Variants in GRIN2A observed in about 807,000 individuals in gnomAD.
GRIN2A encodes glutamate receptor ionotropic, NMDA 2A.
Under a neutral mutation model 113.4 loss-of-function variants are expected in GRIN2A, and 22 were observed. The ratio of observed to expected loss-of-function variants is 0.19; its 90% confidence interval spans 0.14 to 0.28. GRIN2A has a LOEUF of 0.28. Ranked by LOEUF, GRIN2A falls within the 10% of genes least tolerant of loss-of-function variation. The pLI, the probability that GRIN2A is intolerant of heterozygous loss-of-function variation, is 1.00. For missense variants in GRIN2A, 1,502 were observed against 1,887.0 expected, an observed-to-expected ratio of 0.80 and a Z score of 3.78; for synonymous variants, 827 against 738.4, an observed-to-expected ratio of 1.12 and a Z score of -1.94.
intron 10 of GRIN2A, among the ~76,000 whole-genome samples, chr16:9,813,334 A>T (rs181531741): frequency 6.6e-6 from 1 of 152,348 alleles, no homozygotes; most frequent in African/African-American, 2.4e-5. Context: ...CGTTGACAAT[A>T]CAAGAATGAA....
chr16:10,127,611 C>T (rs1246640877), intron 2 of GRIN2A, among the ~76,000 whole-genome samples: 1 of 152,122 alleles, frequency 6.6e-6, no homozygotes, highest in African/African-American at 2.4e-5. Context: ...TCTCCCCAGC[C>T]TTTTTATAGC....
chr16:9,929,897 C>A (rs74381847), intron 3 of GRIN2A, among the ~76,000 whole-genome samples: 5 of 152,162 alleles, frequency 3.3e-5, no homozygotes, highest in South Asian at 2.1e-4. Context: ...CCCAAACCAC[C>A]TTTCCCTCAA....
chr16:9,756,821 CA>C lies in GRIN2A; in HGVS notation c.*6327del, dbSNP rs569146851. The C allele has an allele frequency of 3.6e-4, 66 of 183,012 alleles. No individual in the cohort carries two copies. The highest frequency in any genetic ancestry group is 1.5e-3 in the African/African-American group (62 of 42,648). 11.3% of individuals were successfully genotyped at this position (183,012 alleles called of 1,614,324 possible). A position where few individuals can be genotyped will look rare whatever the true frequency, so the allele number is the denominator to read the frequency against. On this transcript the variant is annotated 3_prime_UTR_variant, in exon 13 of 13. Transcript: ENST00000330684. ...GCACAGAATGGGATAGACAGAGTGA[CA>C]AAAGCTCCCTCTCCACCTCGCCATC... is the stretch of plus-strand genomic sequence containing the variant.
chr16:9,846,248 C>CA (rs967810705), intron 5 of GRIN2A, among the ~76,000 whole-genome samples: 5 of 150,872 alleles, frequency 3.3e-5, no homozygotes, highest in Admixed American at 6.6e-5. Flanking sequence ...GACTGCTTAT[C>CA]AAAAAAAAAC....
chr16:9,878,849 T>C (rs2043422687), intron 4 of GRIN2A, among the ~76,000 whole-genome samples: 1 of 139,886 alleles, frequency 7.1e-6, no homozygotes. Context: ...AAAGAACCAG[T>C]GCAAGACACA....
intron 2 of GRIN2A, among the ~76,000 whole-genome samples, chr16:10,083,993 T>C (rs2048035702): frequency 6.6e-6 from 1 of 152,076 alleles, no homozygotes; most frequent in Admixed American, 6.5e-5. Context: ...TCCCAGCTAC[T>C]TGGGGGTTGA....
intron 2 of GRIN2A, among the ~76,000 whole-genome samples, chr16:10,152,141 C>G (rs573169026): frequency 6.6e-6 from 1 of 152,044 alleles, no homozygotes; most frequent in Non-Finnish European, 1.5e-5. Flanking sequence ...CCTAGGACTG[C>G]GCAAAAAAAT....
intron 11 of GRIN2A, among the ~76,000 whole-genome samples, chr16:9,776,171 A>G (rs140194081): frequency 6.6e-6 from 1 of 152,274 alleles, no homozygotes; most frequent in African/African-American, 2.4e-5. Flanking sequence ...ACTTGGCAAT[A>G]GCTATCTTTG....
At chr16:10,001,791 G>A (rs1328468151) in intron 2 of GRIN2A, among the ~76,000 whole-genome samples, 2 of 152,132 alleles carry the variant, frequency 1.3e-5, no homozygotes, top group Non-Finnish European at 2.9e-5. Context: ...GATATCCAAC[G>A]GGAAATTATG....
rs189858453 is a variant in GRIN2A, at chr16:9,840,191, C to T, written c.1651+456G>A. On this transcript the variant is annotated intron_variant, in intron 7 of 12. Coordinates refer to ENST00000330684, the MANE Select transcript of GRIN2A (RefSeq NM_001134407.3). ...TTAATTGACTCACAGTTCCACATGG[C>T]TGGGGAGTCCCCAGGAAACTTACAA... 2.6e-5 allele frequency among the ~76,000 whole-genome samples: 4 copies of T among 152,224 alleles called. No individual in the cohort carries two copies. The East Asian group carries it at 7.7e-4, about 29-fold the overall frequency.
intron 2 of GRIN2A, among the ~76,000 whole-genome samples, chr16:10,063,490 G>A (rs900321446): frequency 9.9e-5 from 15 of 152,144 alleles, no homozygotes; most frequent in Admixed American, 7.9e-4. Context: ...GCAACCATAA[G>A]CCTCCCACCC....
chr16:10,107,686 A>G (rs865796326), intron 2 of GRIN2A, among the ~76,000 whole-genome samples: 3 of 152,226 alleles, frequency 2.0e-5, no homozygotes, highest in Admixed American at 6.5e-5. Context: ...AGTTTAGAAG[A>G]TTCCTGAAAG....
At chr16:9,850,995 G>A (rs1243187886) in intron 4 of GRIN2A, among the ~76,000 whole-genome samples, 1 of 152,008 alleles carries the variant, frequency 6.6e-6, no homozygotes, top group Non-Finnish European at 1.5e-5. Context: ...TACCAACCTC[G>A]AGGAAAACAC....
At chr16:9,919,707 A>G (rs2044322336) in intron 3 of GRIN2A, among the ~76,000 whole-genome samples, 1 of 152,216 alleles carries the variant, frequency 6.6e-6, no homozygotes, top group Non-Finnish European at 1.5e-5. Flanking sequence ...GACTTTTCAT[A>G]ATACTTGAAA....
chr16:9,853,226 A>G (rs1472980149), intron 4 of GRIN2A, among the ~76,000 whole-genome samples: 2 of 152,200 alleles, frequency 1.3e-5, no homozygotes, highest in African/African-American at 4.8e-5. Context: ...TGTAGGCTCT[A>G]TTAAGAAGTT....
At chr16:10,012,830 G>C (rs542730418) in intron 2 of GRIN2A, among the ~76,000 whole-genome samples, 1 of 152,320 alleles carries the variant, frequency 6.6e-6, no homozygotes, top group Non-Finnish European at 1.5e-5. Context: ...CTTGATTTTA[G>C]CTCCATGAGA....
chr16:10,028,419 C>A (rs918469515), intron 2 of GRIN2A, among the ~76,000 whole-genome samples: 7 of 152,176 alleles, frequency 4.6e-5, no homozygotes, highest in African/African-American at 1.7e-4. Context: ...ATGGACACTT[C>A]CCAGCACCTC....
At chr16:10,078,857 A>G (rs2047928274) in intron 2 of GRIN2A, among the ~76,000 whole-genome samples, 1 of 151,330 alleles carries the variant, frequency 6.6e-6, no homozygotes, top group Non-Finnish European at 1.5e-5. Context: ...ATGCTGACTG[A>G]CTGGCTGACT....
intron 2 of GRIN2A, among the ~76,000 whole-genome samples, chr16:10,152,419 C>A (rs145630227): frequency 6.6e-6 from 1 of 152,306 alleles, no homozygotes; most frequent in Non-Finnish European, 1.5e-5. Flanking sequence ...TTAACGTGGA[C>A]ATAATGATGG....
Sources: allele counts gnomAD v4.1 joint callset (sites outside exome capture counted in the v4.1 genomes callset), GRCh38; gene constraint gnomAD v4.1.1; transcripts MANE v1.5; gene names NCBI Gene and HGNC (gene_info 2026-07-23, HGNC 2026-07-21).